GLIS3: variants seen among roughly 807,000 people sequenced by gnomAD.
The protein encoded by GLIS3 is GLIS family zinc finger 3.
In GLIS3, 53 loss-of-function variants were observed where a neutral mutation model predicts 78.6. The ratio of observed to expected loss-of-function variants is 0.67; its 90% confidence interval spans 0.54 to 0.85. The LOEUF is 0.85. Ranked by LOEUF, GLIS3 falls within the 40% of genes least tolerant of loss-of-function variation. The probability of loss-of-function intolerance (pLI) is 0.00; values close to 1 mark genes in which losing one functional copy is unlikely to be tolerated. For missense variants in GLIS3, 1,703 were observed against 1,231.1 expected (o/e 1.38, Z -5.74); for synonymous variants, 684 against 509.9 (o/e 1.34, Z -4.60).
At chr9:4,378,496 A>G in the GLIS3 span, among the ~76,000 whole-genome samples, 1 of 152,192 alleles carries the variant, frequency 6.6e-6, no homozygotes, top group African/African-American at 2.4e-5. Context: ...AAGGCCTTAA[A>G]ATATGTTTAT....
At chr9:3,860,896 G>A (rs781009416) in intron 8 of GLIS3, among the ~76,000 whole-genome samples, 15 of 152,280 alleles carry the variant, frequency 9.9e-5, no homozygotes, top group African/African-American at 2.9e-4. Context: ...TTTGTGGAAC[G>A]TATATTTTAG....
At chr9:4,322,397 G>A (rs533255258) in intron 2 of GLIS3, among the ~76,000 whole-genome samples, 2 of 152,202 alleles carry the variant, frequency 1.3e-5, no homozygotes, top group African/African-American at 4.8e-5. Flanking sequence ...TATACTCAAA[G>A]GATTGGGTAT....
intron 4 of GLIS3, among the ~76,000 whole-genome samples, chr9:4,068,634 A>G (rs1827307716): frequency 6.6e-6 from 1 of 152,224 alleles, no homozygotes; most frequent in Admixed American, 6.5e-5. Flanking sequence ...CAAGAATTTC[A>G]CAAGAGACAT....
At chr9:4,411,312 C>G in the GLIS3 span, among the ~76,000 whole-genome samples, 1 of 152,174 alleles carries the variant, frequency 6.6e-6, no homozygotes, top group African/African-American at 2.4e-5. Flanking sequence ...AGGTCTATCT[C>G]TACGCCTTTT....
At chr9:3,979,768 T>C (rs1029343490) in intron 4 of GLIS3, among the ~76,000 whole-genome samples, 2 of 152,152 alleles carry the variant, frequency 1.3e-5, no homozygotes, top group African/African-American at 4.8e-5. Flanking sequence ...GTGCCATTCA[T>C]TGAAAAAGAT....
the GLIS3 span, among the ~76,000 whole-genome samples, chr9:4,473,089 T>C: frequency 1.3e-5 from 2 of 152,212 alleles, no homozygotes; most frequent in African/African-American, 4.8e-5. Flanking sequence ...TGTATACGCA[T>C]TTCTTTTTCT....
the GLIS3 span, among the ~76,000 whole-genome samples, chr9:4,449,036 C>T: frequency 6.6e-6 from 1 of 152,144 alleles, no homozygotes; most frequent in Non-Finnish European, 1.5e-5. Flanking sequence ...CTGGGAGGCA[C>T]AAGGGGTCAG....
chr9:4,118,266 C>T lies in GLIS3; in HGVS notation c.1212G>A (p.Gln404=). The change falls in exon 4 of 11, where the codon CAG becomes CAA. Residue 404 remains glutamine, a synonymous_variant. Transcript: ENST00000381971. The surrounding 1 kb of genome is among the most constrained non-coding windows in gnomAD (Gnocchi z 4.7). ...CCACCATGTGGTTGACCAGGCCTGG[C>T]TGCAGGCCGCCGTGCTCCAGCTGTT... The part of the protein sequence containing the change: ...RMQQLEHGGL[Q]PGLVNHMVVQ... 6.3e-7 allele frequency: 1 copy of T among 1,587,842 alleles called. No homozygotes were observed.
chr9:3,941,078 A>G (rs1276703661), intron 4 of GLIS3, among the ~76,000 whole-genome samples: 1 of 152,210 alleles, frequency 6.6e-6, no homozygotes, highest in Non-Finnish European at 1.5e-5. Context: ...GCCCCCCATA[A>G]GATTCTGATA....
At chr9:4,306,485 G>C (rs1817231650) in intron 4 of GLIS3, among the ~76,000 whole-genome samples, 1 of 152,190 alleles carries the variant, frequency 6.6e-6, no homozygotes, top group African/African-American at 2.4e-5. Flanking sequence ...GCCTCGAACA[G>C]CCAGGCCATT....
chr9:3,904,153 T>G (rs1467815887), intron 6 of GLIS3, among the ~76,000 whole-genome samples: 1 of 152,158 alleles, frequency 6.6e-6, no homozygotes, highest in East Asian at 1.9e-4. Context: ...CGTGCTAGAC[T>G]TTAGTATCCA....
chr9:3,918,064 T>C (rs533387246), intron 6 of GLIS3, among the ~76,000 whole-genome samples: 53 of 152,336 alleles, frequency 3.5e-4, no homozygotes, highest in African/African-American at 1.3e-3. Flanking sequence ...CTGTAGACTC[T>C]CAAACAAATG....
chr9:4,380,048 A>G, the GLIS3 span, among the ~76,000 whole-genome samples: 1 of 152,144 alleles, frequency 6.6e-6, no homozygotes, highest in Non-Finnish European at 1.5e-5. Flanking sequence ...ACTCTTTCTG[A>G]GTCTCATTTT....
intron 4 of GLIS3, among the ~76,000 whole-genome samples, chr9:3,967,624 G>A (rs1018823500): frequency 1.3e-5 from 2 of 152,124 alleles, no homozygotes; most frequent in East Asian, 1.9e-4. Context: ...CTGAATCCTC[G>A]GTTATAATAC....
At chr9:4,141,234 G>C (rs959257052) in intron 2 of GLIS3, among the ~76,000 whole-genome samples, 5 of 152,190 alleles carry the variant, frequency 3.3e-5, no homozygotes, top group African/African-American at 1.2e-4. Context: ...AGAGAGGTGG[G>C]ATTGCCCAAA....
intron 2 of GLIS3, among the ~76,000 whole-genome samples, chr9:4,338,457 T>G (rs1230027307): frequency 6.6e-6 from 1 of 151,934 alleles, no homozygotes; most frequent in Non-Finnish European, 1.5e-5. Context: ...GGATGAGAAT[T>G]CAGCTCAGGA....
At chr9:3,868,516 T>C (rs1314919497) in intron 8 of GLIS3, among the ~76,000 whole-genome samples, 1 of 152,254 alleles carries the variant, frequency 6.6e-6, no homozygotes, top group Admixed American at 6.5e-5. Flanking sequence ...GCTGCTTCAC[T>C]AATCCAGGAG....
intron 4 of GLIS3, among the ~76,000 whole-genome samples, chr9:3,984,088 C>T (rs1300006369): frequency 6.6e-6 from 1 of 152,168 alleles, no homozygotes; most frequent in Non-Finnish European, 1.5e-5. Context: ...GTGCTGTGTG[C>T]AGCCTAGGGA....
At chr9:4,403,139 C>G in the GLIS3 span, among the ~76,000 whole-genome samples, 1 of 152,110 alleles carries the variant, frequency 6.6e-6, no homozygotes, top group Non-Finnish European at 1.5e-5. Context: ...CAGTGGAAAC[C>G]TTATAGGCTA....
Sources: allele counts gnomAD v4.1 joint callset (sites outside exome capture counted in the v4.1 genomes callset), GRCh38; gene constraint gnomAD v4.1.1; non-coding constraint Gnocchi (gnomAD v3.1); transcripts MANE v1.5; gene names NCBI Gene and HGNC (gene_info 2026-07-23, HGNC 2026-07-21).